The following NEDD9 variants were observed in gnomAD, a reference collection of about 807,000 sequenced individuals.
NEDD9 encodes enhancer of filamentation 1.
Under a neutral mutation model 76.6 loss-of-function variants are expected in NEDD9, and 26 were observed. The ratio of observed to expected loss-of-function variants is 0.34; its 90% CI spans 0.25 to 0.47. The LOEUF (loss-of-function observed/expected upper bound fraction) is 0.47. Ranked by LOEUF, NEDD9 falls within the 20% of genes least tolerant of loss-of-function variation. The pLI is 1.00. For synonymous variants in NEDD9, 392 were observed against 414.2 expected, an observed-to-expected ratio of 0.95 and a Z score of 0.65; for missense variants, 937 against 1,058.5, an observed-to-expected ratio of 0.89 and a Z score of 1.59.
At chr6:11,350,942 G>A (rs1762457003) in intron 1 of NEDD9, among the ~76,000 whole-genome samples, 1 of 152,096 alleles carries the variant, frequency 6.6e-6, no homozygotes, top group South Asian at 2.1e-4. Context: ...ACATATAATC[G>A]ACAAACACAA....
chr6:11,189,789 T>C lies in NEDD9; in HGVS notation c.1905+175A>G, dbSNP rs536168860. Among the ~76,000 whole-genome samples, 6 of 152,322 alleles carry C rather than the reference T, an allele frequency of 3.9e-5. No homozygotes were observed. In the East Asian group the frequency reaches 1.2e-3, roughly 29 times the overall value. On this transcript the variant is annotated intron_variant, in intron 5 of 6. Transcript: ENST00000379446. ...CTAGATCTGAGTGAGTACTCAGGAC[T>C]CTCAGCCCAGCGTTCTTACTACTCT...
At chr6:11,325,219 G>A (rs577181777) in intron 2 of NEDD9, among the ~76,000 whole-genome samples, 3 of 152,174 alleles carry the variant, frequency 2.0e-5, no homozygotes, top group South Asian at 4.2e-4. Context: ...GCAGGGTGTG[G>A]TGCCGGGTGC....
At chr6:11,330,895 AG>A (rs1452816142) in intron 2 of NEDD9, among the ~76,000 whole-genome samples, 1 of 152,196 alleles carries the variant, frequency 6.6e-6, no homozygotes, top group Non-Finnish European at 1.5e-5. Context: ...GCACTGCTTT[AG>A]GGTCTGAGTA....
intron 3 of NEDD9, among the ~76,000 whole-genome samples, chr6:11,303,564 T>G (rs1317098955): frequency 1.3e-5 from 2 of 152,114 alleles, no homozygotes; most frequent in Non-Finnish European, 2.9e-5. Flanking sequence ...CAAACTATAC[T>G]ACAAGCTAGA....
In NEDD9 at chr6:11,221,314, C is replaced by T. The variant is rs1036639783; in HGVS notation, c.13-7587G>A. Among the ~76,000 whole-genome samples, 20 of 149,228 alleles carry T rather than the reference C, an allele frequency of 1.3e-4. No homozygotes were observed. In the East Asian group the frequency reaches 2.8e-3, roughly 21 times the overall value. On this transcript the variant is annotated intron_variant, in intron 1 of 6. Coordinates refer to ENST00000379446, the MANE Select transcript of NEDD9 (RefSeq NM_006403.4). ...AGGAGAATTGCTTGAACCTGGGAGG[C>T]GGAGGTTGCAGTGAGCTGAGATCAC... is the stretch of plus-strand genomic sequence containing the variant.
intron 2 of NEDD9, among the ~76,000 whole-genome samples, chr6:11,319,662 TAACATGCACACATACACA>T (rs1368923062): frequency 8.2e-6 from 1 of 122,526 alleles, no homozygotes; most frequent in Non-Finnish European, 1.7e-5. Flanking sequence ...TGCCACACAC[TAACATGCACACATACACA>T]AACATGGACA....
intron 1 of NEDD9, among the ~76,000 whole-genome samples, chr6:11,355,909 G>A (rs192871367): frequency 0.013 from 2,051 of 152,082 alleles, 34 homozygotes; most frequent in African/African-American, 0.047. Flanking sequence ...TTTTAGTAGA[G>A]ACGGGGTTTC....
At chr6:11,356,574 G>A (rs547267866) in intron 1 of NEDD9, among the ~76,000 whole-genome samples, 1 of 152,112 alleles carries the variant, frequency 6.6e-6, no homozygotes, top group Admixed American at 6.6e-5. Flanking sequence ...CACCCCCAGG[G>A]TTTCTGTTTC....
intron 2 of NEDD9, among the ~76,000 whole-genome samples, chr6:11,317,590 G>A (rs1189020489): frequency 4.6e-5 from 7 of 152,120 alleles, no homozygotes; most frequent in African/African-American, 1.7e-4. Flanking sequence ...AGATTCTTGA[G>A]ATCAGTTTCA....
intron 1 of NEDD9, among the ~76,000 whole-genome samples, chr6:11,381,026 TA>T (rs1310190141): frequency 1.3e-5 from 2 of 152,320 alleles, no homozygotes; most frequent in East Asian, 3.9e-4. Flanking sequence ...AGCTGTTAAA[TA>T]AACTAACCGA....
chr6:11,308,359 A>G (rs1582014686), intron 2 of NEDD9, among the ~76,000 whole-genome samples: 1 of 131,138 alleles, frequency 7.6e-6, no homozygotes. Context: ...AGGATGGGAC[A>G]TCTTTTTTTT....
intron 2 of NEDD9, among the ~76,000 whole-genome samples, chr6:11,314,855 A>C (rs1761500268): frequency 6.7e-6 from 1 of 150,300 alleles, no homozygotes; most frequent in East Asian, 1.9e-4. Context: ...GCATCAAATA[A>C]AGAGATCAGA....
intron 3 of NEDD9, among the ~76,000 whole-genome samples, chr6:11,300,571 C>T (rs866072154): frequency 3.9e-5 from 6 of 152,202 alleles, no homozygotes; most frequent in Middle Eastern, 6.8e-3. Context: ...TCAGATTCAC[C>T]AAGGTTGAAA....
rs188481724 is a variant in NEDD9, at chr6:11,211,581, C to G, written c.459+1700G>C. Among the ~76,000 whole-genome samples the G allele has an allele frequency of 1.9e-3, 292 of 152,242 alleles. 3 individuals carry two copies. The highest frequency in any genetic ancestry group is 6.8e-3 in the African/African-American group (282 of 41,548). ...TTACACCTTTCAACTGTTATTTTTC[C>G]CCTCTGGAGATAGAAGCCAGGTTTT... On this transcript the variant is annotated intron_variant, in intron 2 of 6. Coordinates refer to ENST00000379446, the MANE Select transcript of NEDD9 (RefSeq NM_006403.4).
chr6:11,280,855 AATC>A (rs1760522300), intron 3 of NEDD9, among the ~76,000 whole-genome samples: 1 of 152,214 alleles, frequency 6.6e-6, no homozygotes, highest in South Asian at 2.1e-4. Flanking sequence ...CCTGGCATCA[AATC>A]CTCTGAGTTC....
In NEDD9 at chr6:11,336,913, C is replaced by T. The variant is rs1003938786; in HGVS notation, c.-213-2352G>A. 3.9e-5 allele frequency among the ~76,000 whole-genome samples: 6 copies of T among 152,244 alleles called. No homozygotes were observed. In the South Asian group the frequency reaches 1.2e-3, roughly 32 times the overall value. ...CTTCAGGGGCAATGACATACAGGGA[C>T]CTGCCATCTCCTAGAATGCCTTCTT... On this transcript the variant is annotated intron_variant, in intron 1 of 3. Coordinates refer to the NEDD9 transcript ENST00000397378.
chr6:11,239,567 A>C (rs889998566), intron 3 of NEDD9, among the ~76,000 whole-genome samples: 1 of 152,180 alleles, frequency 6.6e-6, no homozygotes, highest in Non-Finnish European at 1.5e-5. Context: ...AGAAAAGCCC[A>C]AAAGAGTTTT....
chr6:11,348,296 G>T (rs1012626762), intron 1 of NEDD9, among the ~76,000 whole-genome samples: 2 of 152,058 alleles, frequency 1.3e-5, no homozygotes, highest in Admixed American at 1.3e-4. Flanking sequence ...CAAACAAATA[G>T]AAAAATATTC....
At chr6:11,333,727 A>G (rs146387217) in intron 2 of NEDD9, among the ~76,000 whole-genome samples, 1 of 152,304 alleles carries the variant, frequency 6.6e-6, no homozygotes, top group African/African-American at 2.4e-5. Context: ...TTAGGAGGGC[A>G]TTTGCTTTAT....
Sources: allele counts gnomAD v4.1 joint callset (sites outside exome capture counted in the v4.1 genomes callset), GRCh38; gene constraint gnomAD v4.1.1; transcripts MANE v1.5; gene names NCBI Gene and HGNC (gene_info 2026-07-23, HGNC 2026-07-21).